The following RAPGEF6 variants were observed in gnomAD, a reference collection of about 807,000 sequenced individuals.
RAPGEF6 encodes the protein PDZ domain containing guanine nucleotide exchange factor (GEF) 2.
RAPGEF6 carries 56 observed loss-of-function variants against 171.4 expected under a neutral mutation model. The ratio of observed to expected loss-of-function variants is 0.33; its 90% confidence interval spans 0.26 to 0.41. RAPGEF6 has a LOEUF of 0.41. Among genes scored for constraint, RAPGEF6 ranks in the 10% least tolerant of loss-of-function variants. The probability of loss-of-function intolerance (pLI) is 1.00; values close to 1 mark genes in which losing one functional copy is unlikely to be tolerated. For missense variants in RAPGEF6, 1,674 were observed against 1,921.4 expected (o/e 0.87, Z 2.41); for synonymous variants, 692 against 650.1 (o/e 1.06, Z -0.98).
intron 23 of RAPGEF6, among the ~76,000 whole-genome samples, chr5:131,442,002 T>A (rs986841878): frequency 1.3e-5 from 2 of 152,224 alleles, no homozygotes; most frequent in East Asian, 3.9e-4. Flanking sequence ...ATTTTTGGAA[T>A]AAGCAACTTC....
At position 131,504,645 on chromosome 5, in the gene RAPGEF6, T is replaced by A; in HGVS notation, c.1235A>T (p.Lys412Ile). The A allele has an allele frequency of 1.2e-6, 2 of 1,610,242 alleles. No individual in the cohort carries two copies. The highest frequency in any genetic ancestry group is 1.7e-6 in the Non-Finnish European group (2 of 1,178,860). Residue 412 changes from lysine (K) to isoleucine (I), a missense_variant, in exon 11 of 28, where the codon AAA (lysine) becomes ATA (isoleucine). Coordinates refer to ENST00000509018, the MANE Select transcript of RAPGEF6 (RefSeq NM_016340.6). ...ACCCACCTTGATCACAATGTGTCCTTTCCTGGTTCCACTCCGGTCTAGTTC... is the reference window on the plus strand; with the variant it reads ...ACCCACCTTGATCACAATGTGTCCTATCCTGGTTCCACTCCGGTCTAGTTC... ...HRELDRSGTRKGHIVIKATPE... is the reference protein window; with the variant it reads ...HRELDRSGTRIGHIVIKATPE...
chr5:131,516,418 C>T (rs763925888), intron 7 of RAPGEF6, among the ~76,000 whole-genome samples: 3 of 152,084 alleles, frequency 2.0e-5, no homozygotes, highest in Admixed American at 6.6e-5. Context: ...AAAGAACATA[C>T]TGGTGAAAAC....
chr5:131,493,870 A>C (rs926895093), intron 13 of RAPGEF6, among the ~76,000 whole-genome samples: 15 of 152,204 alleles, frequency 9.9e-5, no homozygotes, highest in African/African-American at 3.6e-4. Context: ...CTCAAATGAT[A>C]GTGGAGTACC....
chr5:131,496,292 C>T (rs139719427), intron 12 of RAPGEF6, among the ~76,000 whole-genome samples: 92 of 152,186 alleles, frequency 6.0e-4, no homozygotes, highest in African/African-American at 1.8e-3. Flanking sequence ...TAAAAATTAA[C>T]GAATGTAAGC....
At chr5:131,428,042 G>A (rs1274045020) in intron 27 of RAPGEF6, among the ~76,000 whole-genome samples, 2 of 152,086 alleles carry the variant, frequency 1.3e-5, no homozygotes, top group Non-Finnish European at 2.9e-5. Context: ...AGTTGAGGCT[G>A]CAGTGAGCCA....
rs377231565 is a variant in RAPGEF6, at chr5:131,469,857, A to C, written c.2239+2730T>G. ...TAAAGCAAAATCAAAGTAAGCAATC[A>C]AAAACAAACTTACAGTTCTGTAGCT... On this transcript the variant is annotated intron_variant, in intron 17 of 27. Transcript: ENST00000509018. 41 of 1,490,618 alleles carry C rather than the reference A, an allele frequency of 2.8e-5. No individual in the cohort carries two copies. The East Asian group carries it at 3.9e-4, about 14-fold the overall frequency. 92.3% of individuals were successfully genotyped at this position (1,490,618 alleles called of 1,614,324 possible). A position where few individuals can be genotyped will look rare whatever the true frequency, so the allele number is the denominator to read the frequency against.
chr5:131,448,253 C>A (rs2149818486), intron 21 of RAPGEF6, among the ~76,000 whole-genome samples: 1 of 152,268 alleles, frequency 6.6e-6, no homozygotes, highest in South Asian at 2.1e-4. Flanking sequence ...TCAGAAGATT[C>A]ATATTTTGAA....
rs747153265 is a variant in RAPGEF6, at chr5:131,429,233, G to A, written c.4466-17C>T. On this transcript the variant is annotated splice_polypyrimidine_tract_variant and intron_variant, in intron 26 of 27. Coordinates refer to ENST00000509018, the MANE Select transcript of RAPGEF6 (RefSeq NM_016340.6). ...CACAGTACACTGGCATGAAAAATAA[G>A]CAATGAAAATGTTAATGAAAAAGAA... is the stretch of plus-strand genomic sequence containing the variant. 1.6e-5 allele frequency: 24 copies of A among 1,491,284 alleles called. No individual in the cohort carries two copies. Among genetic ancestry groups the A allele is most frequent in the Non-Finnish European group, 2.2e-5 (24 of 1,107,660 alleles). The allele number at this position is 1,491,284 out of a possible 1,614,324, so 92.4% of individuals were successfully genotyped here. A position where few individuals can be genotyped will look rare whatever the true frequency, so the allele number is the denominator to read the frequency against.
intron 1 of RAPGEF6, among the ~76,000 whole-genome samples, chr5:131,608,190 G>A (rs1354391670): frequency 6.6e-6 from 1 of 152,172 alleles, no homozygotes; most frequent in Non-Finnish European, 1.5e-5. Context: ...TAAAAGCAGA[G>A]TTAAGTAGTT....
intron 24 of RAPGEF6, chr5:131,436,383 T>C: frequency 6.5e-7 from 1 of 1,535,582 alleles, no homozygotes; most frequent in East Asian, 2.4e-5. Flanking sequence ...TACTGCCAAC[T>C]GGAGGGAGAG....
intron 3 of RAPGEF6, among the ~76,000 whole-genome samples, chr5:131,593,802 C>T (rs1354907420): frequency 1.3e-5 from 2 of 152,136 alleles, no homozygotes; most frequent in Non-Finnish European, 2.9e-5. Context: ...GCAAAGCATT[C>T]AAGAGGTGAT....
At chr5:131,567,021 G>C (rs977736285) in intron 4 of RAPGEF6, among the ~76,000 whole-genome samples, 11 of 149,900 alleles carry the variant, frequency 7.3e-5, no homozygotes, top group Admixed American at 5.4e-4. Flanking sequence ...TTGAACCCGG[G>C]AAGTGGAGTT....
intron 12 of RAPGEF6, 43 bp from the exon 13 acceptor site, chr5:131,495,703 T>C: frequency 5.1e-6 from 8 of 1,581,966 alleles, no homozygotes; most frequent in Non-Finnish European, 6.9e-6. Flanking sequence ...ATAAGAGGCA[T>C]TCCTTCTGCA....
intron 4 of RAPGEF6, among the ~76,000 whole-genome samples, chr5:131,585,793 C>A (rs1259024632): frequency 3.3e-5 from 5 of 152,008 alleles, no homozygotes; most frequent in Admixed American, 6.6e-5. Context: ...GCCATTGCAC[C>A]CCAGCCTGGG....
intron 6 of RAPGEF6, among the ~76,000 whole-genome samples, chr5:131,531,009 G>A (rs1327508226): frequency 2.6e-5 from 4 of 152,158 alleles, no homozygotes; most frequent in Non-Finnish European, 4.4e-5. Context: ...CAAATACATT[G>A]TGTACCTAGG....
intron 6 of RAPGEF6, among the ~76,000 whole-genome samples, chr5:131,528,279 A>T (rs1759082549): frequency 1.6e-5 from 2 of 124,560 alleles, no homozygotes; most frequent in African/African-American, 6.1e-5. Flanking sequence ...TTTATATTAT[A>T]TATATATAAA....
chr5:131,627,714 G>A (rs1012103704), intron 1 of RAPGEF6, among the ~76,000 whole-genome samples: 4 of 152,136 alleles, frequency 2.6e-5, no homozygotes, highest in African/African-American at 9.7e-5. Flanking sequence ...TGGTATTGTG[G>A]GGTTGTTTTC....
chr5:131,524,014 A>AT (rs1431367450), intron 6 of RAPGEF6, among the ~76,000 whole-genome samples: 1 of 152,216 alleles, frequency 6.6e-6, no homozygotes, highest in Non-Finnish European at 1.5e-5. Flanking sequence ...CAATTGAGTG[A>AT]TATCTCCAAG....
intron 11 of RAPGEF6, among the ~76,000 whole-genome samples, chr5:131,499,962 G>A (rs1756909265): frequency 6.6e-6 from 1 of 152,268 alleles, no homozygotes; most frequent in East Asian, 1.9e-4. Context: ...GCCGCTGCGC[G>A]ATCTCAGCTC....
Sources: allele counts gnomAD v4.1 joint callset (sites outside exome capture counted in the v4.1 genomes callset), GRCh38; gene constraint gnomAD v4.1.1; transcripts MANE v1.5; gene names NCBI Gene and HGNC (gene_info 2026-07-23, HGNC 2026-07-21).